Variants in POLR3B observed in about 807,000 individuals in gnomAD.
The protein encoded by POLR3B is RNA polymerase III subunit B.
POLR3B carries 96 observed loss-of-function variants against 147.4 expected under a neutral mutation model. The observed-to-expected ratio is 0.65, with a 90% CI of 0.55 to 0.77. POLR3B has a LOEUF of 0.77. Ranked by LOEUF, POLR3B falls within the 30% of genes least tolerant of loss-of-function variation. The probability of loss-of-function intolerance (pLI) is 0.00; values close to 1 mark genes in which losing one functional copy is unlikely to be tolerated. For missense variants in POLR3B, 1,036 were observed against 1,413.5 expected (o/e 0.73, Z 4.28); for synonymous variants, 461 against 485.9 (o/e 0.95, Z 0.67).
At chr12:106,500,686 G>A (rs961312122) in intron 25 of POLR3B, among the ~76,000 whole-genome samples, 7 of 152,168 alleles carry the variant, frequency 4.6e-5, no homozygotes, top group Non-Finnish European at 5.9e-5. Flanking sequence ...CAAAGGAAAC[G>A]GTAAGTCAGA....
intron 19 of POLR3B, among the ~76,000 whole-genome samples, chr12:106,450,717 C>T (rs1332710162): frequency 6.6e-6 from 1 of 152,084 alleles, no homozygotes; most frequent in Non-Finnish European, 1.5e-5. Context: ...GGATGTGGAG[C>T]AACCAGAATG....
rs1228936055 is a variant in POLR3B at position 106,405,850 on chromosome 12, T to G, written c.847-7T>G. On this transcript the variant is annotated splice_region_variant and splice_polypyrimidine_tract_variant and intron_variant, in intron 10 of 27. Coordinates refer to ENST00000228347, the MANE Select transcript of POLR3B (RefSeq NM_018082.6). ...ATTCAAACATTATTGTAATCTGTTT[T>G]TTATAGGCATTAAAATATATAGGGA... 6.2e-7 allele frequency: 1 copy of G among 1,612,774 alleles called. No homozygotes were observed. Among genetic ancestry groups the G allele is most frequent in the African/African-American group, 1.3e-5 (1 of 74,878 alleles).
At chr12:106,406,642 C>A (rs181974779) in intron 11 of POLR3B, among the ~76,000 whole-genome samples, 1 of 152,210 alleles carries the variant, frequency 6.6e-6, no homozygotes, top group Non-Finnish European at 1.5e-5. Flanking sequence ...GCGTTGTCAC[C>A]CAGCTGGTTA....
intron 9 of POLR3B, among the ~76,000 whole-genome samples, chr12:106,380,698 G>A (rs937497823): frequency 3.9e-5 from 6 of 152,186 alleles, no homozygotes; most frequent in Admixed American, 1.3e-4. Context: ...GCAGTGAGCC[G>A]TGATCATGCC....
chr12:106,496,715 C>T, intron 24 of POLR3B, 37 bp from the exon 25 acceptor site: 1 of 1,598,624 alleles, frequency 6.3e-7, no homozygotes, highest in Non-Finnish European at 8.6e-7. Flanking sequence ...GCTTGTGCCA[C>T]AGGGAGGTGC....
chr12:106,452,503 C>T (rs190779897), intron 19 of POLR3B, among the ~76,000 whole-genome samples: 1 of 152,304 alleles, frequency 6.6e-6, no homozygotes, highest in Admixed American at 6.5e-5. Context: ...ATGCGTGTCT[C>T]AGGTTTCAGA....
chr12:106,437,195 T>TGTATTTTCA (rs1463102247), intron 17 of POLR3B, 64 bp downstream of exon 17: 1 of 1,112,728 alleles, frequency 9.0e-7, no homozygotes. Context: ...TTAAGAAAAG[T>TGTATTTTCA]GTATTTTCAT....
chr12:106,467,620 A>G (rs903364254), intron 23 of POLR3B, among the ~76,000 whole-genome samples: 3 of 152,162 alleles, frequency 2.0e-5, no homozygotes, highest in African/African-American at 7.2e-5. Context: ...ATTTTGAGGT[A>G]TGTTCCATCG....
intron 22 of POLR3B, 39 bp from the exon 23 acceptor site, chr12:106,463,439 T>C (rs1292401918): frequency 6.2e-7 from 1 of 1,600,718 alleles, no homozygotes; most frequent in Non-Finnish European, 8.6e-7. Flanking sequence ...CAAAGGGCAG[T>C]TTGAAAACTC....
Position 106,446,768 on chromosome 12 carries a change from G to A in POLR3B, c.2083+2178G>A, listed in dbSNP as rs138515472. 1.9e-3 allele frequency among the ~76,000 whole-genome samples: 283 copies of A among 152,246 alleles called. 1 individual carries two copies. The highest frequency in any genetic ancestry group is 6.4e-3 in the African/African-American group (265 of 41,534). The stretch of plus-strand genomic sequence containing the variant: ...GTAATAAAAAAAAGCCTTTGTTACT[G>A]TTTGTTATTATAAAACACCTGACTG... On this transcript the variant is annotated intron_variant, in intron 19 of 27. Coordinates refer to ENST00000228347, the MANE Select transcript of POLR3B (RefSeq NM_018082.6).
intron 14 of POLR3B, among the ~76,000 whole-genome samples, chr12:106,431,607 A>G (rs1378319679): frequency 6.6e-6 from 1 of 152,232 alleles, no homozygotes; most frequent in East Asian, 1.9e-4. Context: ...TGAAACTGGT[A>G]CAAAGATTTT....
chr12:106,505,676 C>A (rs1022053448), intron 27 of POLR3B, among the ~76,000 whole-genome samples: 2 of 152,180 alleles, frequency 1.3e-5, no homozygotes, highest in Non-Finnish European at 2.9e-5. Flanking sequence ...CATTGCCCCT[C>A]ACCTGCCCTC....
At chr12:106,425,256 A>G (rs2037420685) in intron 12 of POLR3B, among the ~76,000 whole-genome samples, 2 of 152,060 alleles carry the variant, frequency 1.3e-5, no homozygotes, top group Non-Finnish European at 2.9e-5. Flanking sequence ...GCTGTGTATC[A>G]GTGCAGGATC....
chr12:106,364,960 C>G (rs371916686), intron 2 of POLR3B, among the ~76,000 whole-genome samples: 5 of 152,078 alleles, frequency 3.3e-5, no homozygotes, highest in African/African-American at 1.2e-4. Flanking sequence ...ATAGTGAAAC[C>G]TCGTCTCTAC....
At chr12:106,428,534 C>T (rs548842064) in intron 13 of POLR3B, among the ~76,000 whole-genome samples, 5 of 152,156 alleles carry the variant, frequency 3.3e-5, no homozygotes, top group Admixed American at 1.3e-4. Flanking sequence ...TTGTAATACT[C>T]CTACAGAATA....
At position 106,496,088 on chromosome 12, in the gene POLR3B, T is replaced by C; in HGVS notation, c.2747T>C (p.Met916Thr). 1 of 1,612,808 alleles carries C rather than the reference T, an allele frequency of 6.2e-7. No homozygotes were observed. Among genetic ancestry groups the C allele is most frequent in the Non-Finnish European group, 8.5e-7 (1 of 1,178,792 alleles). ...GGCTTGATCGTCCCCCAGGAAGACA[T>C]GCCATTTTGTGATTCTGGCATCTGT... is the stretch of plus-strand genomic sequence containing the variant. ...VCGLIVPQED[M>T]PFCDSGICPD... Residue 916 changes from methionine (M) to threonine (T), a missense_variant, in exon 24 of 28, where the codon ATG becomes ACG. By Grantham distance (81) the Met-to-Thr change is moderately conservative. Transcript: ENST00000228347.
At position 106,418,970 on chromosome 12, in the gene POLR3B, G is replaced by A. The variant is rs985775431; in HGVS notation, c.1101+8010G>A. ...TCAAGGGGCTACAATAAATTCAGCT[G>A]GGATCCAAAAAAACTTTGTCATAAT... is the stretch of plus-strand genomic sequence containing the variant. On this transcript the variant is annotated intron_variant, in intron 12 of 27. Coordinates refer to ENST00000228347, the MANE Select transcript of POLR3B (RefSeq NM_018082.6). Among the ~76,000 whole-genome samples the A allele has an allele frequency of 3.3e-5, 5 of 152,116 alleles. No individual in the cohort carries two copies. The East Asian group carries it at 9.6e-4, about 29-fold the overall frequency.
chr12:106,359,230 C>T (rs138262509), intron 1 of POLR3B, among the ~76,000 whole-genome samples: 1 of 152,122 alleles, frequency 6.6e-6, no homozygotes, highest in African/African-American at 2.4e-5. Flanking sequence ...AAAACAAAAC[C>T]TCTTTATAAT....
intron 16 of POLR3B, among the ~76,000 whole-genome samples, chr12:106,435,688 A>C (rs1459975284): frequency 6.6e-6 from 1 of 152,134 alleles, no homozygotes; most frequent in Non-Finnish European, 1.5e-5. Flanking sequence ...AGTTGATAGA[A>C]GGTGTGGTAA....
Sources: allele counts gnomAD v4.1 joint callset (sites outside exome capture counted in the v4.1 genomes callset), GRCh38; gene constraint gnomAD v4.1.1; transcripts MANE v1.5; gene names NCBI Gene and HGNC (gene_info 2026-07-23, HGNC 2026-07-21).